The following KIF5C variants were observed in gnomAD, a reference collection of about 807,000 sequenced individuals.
The protein encoded by KIF5C is kinesin family member 5C, also known as kinesin heavy chain isoform 5C.
In KIF5C, 18 loss-of-function variants were observed where a neutral mutation model predicts 125.2. That is an observed-to-expected ratio of 0.14 (90% CI 0.10 to 0.21). The LOEUF is 0.21. Among genes scored for constraint, KIF5C ranks in the 10% least tolerant of loss-of-function variants. KIF5C has a pLI of 1.00. For missense variants in KIF5C, 780 were observed against 1,183.8 expected (o/e 0.66, Z 5.01); for synonymous variants, 405 against 434.0 (o/e 0.93, Z 0.83).
At chr2:148,922,786 AC>A (rs1681840463) in intron 2 of KIF5C, among the ~76,000 whole-genome samples, 1 of 152,254 alleles carries the variant, frequency 6.6e-6, no homozygotes, top group South Asian at 2.1e-4. Context: ...CTTTCTCCTA[AC>A]CCATTTTCAA....
intron 1 of KIF5C, among the ~76,000 whole-genome samples, chr2:148,907,848 C>T (rs555618445): frequency 1.2e-4 from 18 of 152,152 alleles, no homozygotes; most frequent in Admixed American, 3.3e-4. Flanking sequence ...GTTAGCGACC[C>T]GGGACATACC....
chr2:148,928,605 C>T (rs1682092631), intron 2 of KIF5C, among the ~76,000 whole-genome samples: 1 of 152,110 alleles, frequency 6.6e-6, no homozygotes, highest in Non-Finnish European at 1.5e-5. Flanking sequence ...GCACAGTGCT[C>T]TCATTGTGTA....
intron 1 of KIF5C, among the ~76,000 whole-genome samples, chr2:148,896,101 A>G (rs1681831530): frequency 6.6e-6 from 1 of 152,216 alleles, no homozygotes; most frequent in Admixed American, 6.5e-5. Flanking sequence ...AGCATATACT[A>G]AAGCCATTAT....
intron 3 of KIF5C, among the ~76,000 whole-genome samples, chr2:148,931,725 A>C (rs1682190449): frequency 6.6e-6 from 1 of 152,202 alleles, no homozygotes; most frequent in Non-Finnish European, 1.5e-5. Flanking sequence ...AAACTAATAG[A>C]AGAGATATTT....
At chr2:148,936,197 C>T (rs1267560433) in intron 3 of KIF5C, among the ~76,000 whole-genome samples, 1 of 152,170 alleles carries the variant, frequency 6.6e-6, no homozygotes, top group Non-Finnish European at 1.5e-5. Flanking sequence ...AGCTGAGGAT[C>T]ACTTGAGCCT....
At chr2:148,943,933 T>TTC (rs1682465986) in intron 7 of KIF5C, among the ~76,000 whole-genome samples, 1 of 152,212 alleles carries the variant, frequency 6.6e-6, no homozygotes. Context: ...CCACTTCTTT[T>TTC]TCTCTTGCTT....
chr2:148,906,254 G>A (rs62182686), intron 1 of KIF5C, among the ~76,000 whole-genome samples: 3,127 of 152,308 alleles, frequency 0.021, 67 homozygotes, highest in Non-Finnish European at 0.031. Context: ...GAAAAAGAGG[G>A]TGAGGCGCAA....
Position 148,929,317 on chromosome 2 carries a change from A to G in KIF5C, c.254A>G (p.Tyr85Cys). The G allele has an allele frequency of 2.6e-6, 4 of 1,536,488 alleles. No individual in the cohort carries two copies. The highest frequency in any genetic ancestry group is 3.5e-6 in the Non-Finnish European group (4 of 1,146,248). ...GGTTATAACGGGACGATTTTTGCGTATGGGCAGACTTCATCAGGAAAAACC... is the reference window on the plus strand; with the variant it reads ...GGTTATAACGGGACGATTTTTGCGTGTGGGCAGACTTCATCAGGAAAAACC... Reference protein sequence around the residue: ...LEGYNGTIFAYGQTSSGKTHT... With the variant: ...LEGYNGTIFACGQTSSGKTHT... Residue 85 changes from tyrosine (Y) to cysteine (C), a missense_variant, in exon 3 of 26, where the codon TAT (tyrosine) becomes TGT (cysteine). Coordinates refer to ENST00000435030, the MANE Select transcript of KIF5C (RefSeq NM_004522.3).
At position 149,025,095 on chromosome 2, in the gene KIF5C, A is replaced by C. The variant is rs1237649870; in HGVS notation, c.*2025A>C. 2 of 152,578 alleles carry C rather than the reference A, an allele frequency of 1.3e-5. No individual in the cohort carries two copies. Among genetic ancestry groups the C allele is most frequent in the Non-Finnish European group, 2.9e-5 (2 of 68,020 alleles). The allele number at this position is 152,578 out of a possible 1,614,324, so 9.5% of individuals were successfully genotyped here. A position where few individuals can be genotyped will look rare whatever the true frequency, so the allele number is the denominator to read the frequency against. On this transcript the variant is annotated 3_prime_UTR_variant, in exon 26 of 26. Coordinates refer to ENST00000435030, the MANE Select transcript of KIF5C (RefSeq NM_004522.3). ...AAATAGATTGTTTTAGATTCTTTCC[A>C]GGGTGATTTTTCCCTGGGTACCCCG...
chr2:148,910,370 T>C (rs1681284064), intron 1 of KIF5C, among the ~76,000 whole-genome samples: 1 of 152,242 alleles, frequency 6.6e-6, no homozygotes, highest in Non-Finnish European at 1.5e-5. Context: ...CCTGACCTTG[T>C]CACTTGTAAA....
At chr2:148,928,911 A>G (rs1239741726) in intron 2 of KIF5C, among the ~76,000 whole-genome samples, 2 of 152,230 alleles carry the variant, frequency 1.3e-5, no homozygotes, top group Non-Finnish European at 2.9e-5. Context: ...CACTCCAGAA[A>G]CAGGGCATAA....
intron 2 of KIF5C, among the ~76,000 whole-genome samples, chr2:148,926,412 G>A (rs1681997221): frequency 1.3e-5 from 2 of 152,328 alleles, no homozygotes; most frequent in South Asian, 4.1e-4. Flanking sequence ...TCTGCGGAGC[G>A]TGGCTGGCAT....
intron 25 of KIF5C, among the ~76,000 whole-genome samples, chr2:149,013,264 C>G (rs1017673376): frequency 5.3e-5 from 8 of 152,218 alleles, no homozygotes; most frequent in African/African-American, 1.9e-4. Flanking sequence ...CTCCTGAACT[C>G]AAGGCCAGCT....
At chr2:148,919,337 C>T (rs1390097523) in intron 1 of KIF5C, among the ~76,000 whole-genome samples, 11 of 152,150 alleles carry the variant, frequency 7.2e-5, no homozygotes. Context: ...TGCATAGACA[C>T]CTGGAAGGGA....
Position 148,973,427 on chromosome 2 carries a change from T to C in KIF5C, c.1209T>C (p.Ala403=). 6.2e-7 allele frequency: 1 copy of C among 1,613,692 alleles called. No individual in the cohort carries two copies. The highest frequency in any genetic ancestry group is 8.5e-7 in the Non-Finnish European group (1 of 1,179,728). The change falls in exon 12 of 26, where the codon GCT becomes GCC. Residue 403 remains alanine, a synonymous_variant. Transcript: ENST00000435030. ...CDNTPIIDNI[A]PVVAGISTEE... is the part of the protein sequence containing the mutation. ...ACACCCCCATCATAGACAATATTGC[T>C]CCTGTTGTTGCTGGCATCTCTACAG...
chr2:148,940,743 GA>G (rs1411269908), intron 4 of KIF5C, among the ~76,000 whole-genome samples: 2 of 152,188 alleles, frequency 1.3e-5, no homozygotes, highest in East Asian at 3.8e-4. Flanking sequence ...CAGAATCCTA[GA>G]GGGGGATTTT....
At chr2:148,915,755 T>G (rs2105073509) in intron 1 of KIF5C, among the ~76,000 whole-genome samples, 1 of 152,264 alleles carries the variant, frequency 6.6e-6, no homozygotes, top group Admixed American at 6.5e-5. Context: ...GAGATGATCC[T>G]AGGAAACACT....
intron 1 of KIF5C, among the ~76,000 whole-genome samples, chr2:148,897,947 A>G (rs1294112963): frequency 6.7e-6 from 1 of 148,512 alleles, no homozygotes; most frequent in African/African-American, 2.5e-5. Context: ...AAAAAAAAAA[A>G]AAAAAAAAAA....
chr2:148,904,442 A>T (rs147860654), intron 1 of KIF5C, among the ~76,000 whole-genome samples: 9 of 152,332 alleles, frequency 5.9e-5, no homozygotes, highest in East Asian at 1.9e-4. Context: ...AACAGCACAT[A>T]TATGAGGAGT....
Sources: allele counts gnomAD v4.1 joint callset (sites outside exome capture counted in the v4.1 genomes callset), GRCh38; gene constraint gnomAD v4.1.1; transcripts MANE v1.5; gene names NCBI Gene and HGNC (gene_info 2026-07-23, HGNC 2026-07-21).